Variants in RASGRF2 observed in about 807,000 individuals in gnomAD.
The protein encoded by RASGRF2 is ras-specific guanine nucleotide-releasing factor 2.
In RASGRF2, 76 loss-of-function variants were observed where a neutral mutation model predicts 151.0. The ratio of observed to expected loss-of-function variants is 0.50; its 90% CI spans 0.42 to 0.61. RASGRF2 has a LOEUF of 0.61. Among genes scored for constraint, RASGRF2 ranks in the 20% least tolerant of loss-of-function variants. The probability of loss-of-function intolerance (pLI) is 0.00; values close to 1 mark genes in which losing one functional copy is unlikely to be tolerated. For synonymous variants in RASGRF2, 504 were observed against 566.5 expected (o/e 0.89, Z 1.57); for missense variants, 1,148 against 1,564.6 (o/e 0.73, Z 4.49).
chr5:81,220,326 T>G (rs1755831553), intron 26 of RASGRF2, among the ~76,000 whole-genome samples: 1 of 152,184 alleles, frequency 6.6e-6, no homozygotes, highest in Non-Finnish European at 1.5e-5. Context: ...TTTTACCCCA[T>G]TTTTTAATAG....
intron 12 of RASGRF2, among the ~76,000 whole-genome samples, chr5:81,108,550 C>T (rs1355382039): frequency 6.6e-6 from 1 of 152,068 alleles, no homozygotes; most frequent in Non-Finnish European, 1.5e-5. Flanking sequence ...GAATTCCATC[C>T]TAGGAAGCCA....
intron 17 of RASGRF2, among the ~76,000 whole-genome samples, chr5:81,135,173 G>A (rs1753724409): frequency 6.6e-6 from 1 of 152,004 alleles, no homozygotes; most frequent in Non-Finnish European, 1.5e-5. Context: ...TGCATATGGT[G>A]GCACACGCCT....
chr5:80,992,468 A>AATG (rs1484501464), intron 1 of RASGRF2, among the ~76,000 whole-genome samples: 1 of 152,162 alleles, frequency 6.6e-6, no homozygotes. Context: ...TAAAGTGAAA[A>AATG]ATGAGTGTTC....
intron 17 of RASGRF2, among the ~76,000 whole-genome samples, chr5:81,132,276 T>A (rs1355072562): frequency 6.6e-6 from 1 of 152,246 alleles, no homozygotes; most frequent in African/African-American, 2.4e-5. Context: ...AATGATTGAA[T>A]CTTCATACTT....
chr5:80,962,799 G>A (rs1395213580), intron 1 of RASGRF2, among the ~76,000 whole-genome samples: 1 of 152,156 alleles, frequency 6.6e-6, no homozygotes, highest in Admixed American at 6.5e-5. Flanking sequence ...TGACTTTCAT[G>A]CCACTTTCTA....
In RASGRF2 at chr5:81,138,363, C is replaced by T. The variant is rs146961597; in HGVS notation, c.2686+11200C>T. Among the ~76,000 whole-genome samples, 11 of 152,216 alleles carry T rather than the reference C, an allele frequency of 7.2e-5. No homozygotes were observed. The East Asian group carries it at 1.2e-3, about 16-fold the overall frequency. Reference sequence around the variant, plus strand: ...CCCCTGTAGACTATATTATTTTCCCCGTAGCTAAGAAGAAGGCGAGAGGGG... The same window carrying T: ...CCCCTGTAGACTATATTATTTTCCCTGTAGCTAAGAAGAAGGCGAGAGGGG... On this transcript the variant is annotated intron_variant, in intron 17 of 26. Coordinates refer to ENST00000265080, the MANE Select transcript of RASGRF2 (RefSeq NM_006909.3).
chr5:81,197,669 C>CAA (rs1755297774), intron 18 of RASGRF2, among the ~76,000 whole-genome samples: 1 of 152,084 alleles, frequency 6.6e-6, no homozygotes, highest in African/African-American at 2.4e-5. Flanking sequence ...TTGCAATTAA[C>CAA]AATGTTCTCT....
At chr5:81,066,820 G>GTT in intron 2 of RASGRF2, among the ~76,000 whole-genome samples, 1 of 152,328 alleles carries the variant, frequency 6.6e-6, no homozygotes, top group Non-Finnish European at 1.5e-5. Flanking sequence ...GCTTGCACCA[G>GTT]TTATCTCTTT....
intron 17 of RASGRF2, among the ~76,000 whole-genome samples, chr5:81,148,154 C>A (rs951689302): frequency 6.6e-6 from 1 of 152,194 alleles, no homozygotes; most frequent in Non-Finnish European, 1.5e-5. Context: ...TCTTCCTCTT[C>A]TGACAGTTGA....
At chr5:81,140,494 G>A (rs1753859193) in intron 17 of RASGRF2, among the ~76,000 whole-genome samples, 1 of 151,862 alleles carries the variant, frequency 6.6e-6, no homozygotes, top group African/African-American at 2.4e-5. Context: ...TAGAATTGTG[G>A]AACTGCAAAG....
At chr5:81,079,429 G>A (rs189507521) in intron 5 of RASGRF2, among the ~76,000 whole-genome samples, 18 of 152,270 alleles carry the variant, frequency 1.2e-4, no homozygotes, top group East Asian at 5.8e-4. Context: ...TGAGATGAAC[G>A]GTTCTGTATT....
intron 2 of RASGRF2, among the ~76,000 whole-genome samples, chr5:81,059,840 C>CAAAAAAA (rs1751361984): frequency 6.6e-6 from 1 of 150,588 alleles, no homozygotes; most frequent in South Asian, 2.1e-4. Context: ...GGAGACTCCA[C>CAAAAAAA]CAAAAAACAA....
intron 1 of RASGRF2, among the ~76,000 whole-genome samples, chr5:80,981,381 G>A (rs762907826): frequency 2.0e-5 from 3 of 152,082 alleles, no homozygotes; most frequent in Middle Eastern, 3.4e-3. Flanking sequence ...TTACAAATCC[G>A]TGGTTAGAAC....
chr5:81,179,998 C>T (rs1352649591), intron 17 of RASGRF2, among the ~76,000 whole-genome samples, 177 bp from the exon 18 acceptor site: 1 of 152,102 alleles, frequency 6.6e-6, no homozygotes, highest in Non-Finnish European at 1.5e-5. Flanking sequence ...GAGGGCCTTG[C>T]TGCTGAGAGA....
chr5:81,103,005 C>T (rs74723877), intron 12 of RASGRF2, among the ~76,000 whole-genome samples: 28 of 152,092 alleles, frequency 1.8e-4, no homozygotes, highest in Admixed American at 1.3e-3. Context: ...AGGGTGACAA[C>T]TTGGAAAAGA....
At chr5:81,112,902 C>G (rs368995047) in intron 14 of RASGRF2, 44 bp downstream of exon 14, 6 of 1,610,404 alleles carry the variant, frequency 3.7e-6, no homozygotes, top group Non-Finnish European at 5.1e-6. Flanking sequence ...GCATATGGCC[C>G]TCTTCGTTCC....
At chr5:81,065,008 AG>A (rs1751558268) in intron 2 of RASGRF2, among the ~76,000 whole-genome samples, 1 of 152,212 alleles carries the variant, frequency 6.6e-6, no homozygotes, top group Non-Finnish European at 1.5e-5. Flanking sequence ...GCTTTGAAGA[AG>A]GAAGCTGCTA....
intron 1 of RASGRF2, among the ~76,000 whole-genome samples, chr5:81,030,298 A>G (rs983168720): frequency 4.6e-5 from 7 of 152,306 alleles, no homozygotes; most frequent in African/African-American, 1.7e-4. Flanking sequence ...AAATACAGAG[A>G]GTGCCACAAA....
chr5:80,961,049 G>T, intron 1 of RASGRF2, 23 bp downstream of exon 1: 2 of 1,433,134 alleles, frequency 1.4e-6, no homozygotes, highest in Non-Finnish European at 1.8e-6. Context: ...TTCTCTCCGC[G>T]GTCTCCCAGC....
Sources: allele counts gnomAD v4.1 joint callset (sites outside exome capture counted in the v4.1 genomes callset), GRCh38; gene constraint gnomAD v4.1.1; transcripts MANE v1.5; gene names NCBI Gene and HGNC (gene_info 2026-07-23, HGNC 2026-07-21).